The following ZNF219 variants were observed in gnomAD, a reference collection of about 807,000 sequenced individuals.
The protein encoded by ZNF219 is zinc finger protein 219.
ZNF219 carries 17 observed loss-of-function variants against 54.4 expected under a neutral mutation model. That is an observed-to-expected ratio of 0.31 (90% CI 0.21 to 0.47). The LOEUF is 0.47. Among genes scored for constraint, ZNF219 ranks in the 20% least tolerant of loss-of-function variants. The pLI, the probability that ZNF219 is intolerant of heterozygous loss-of-function variation, is 1.00. For missense variants in ZNF219, 1,014 were observed against 1,062.3 expected (o/e 0.95, Z 0.63); for synonymous variants, 518 against 476.4 (o/e 1.09, Z -1.14).
chr14:21,094,218 A>T (rs1452223548), intron 1 of ZNF219, among the ~76,000 whole-genome samples: 1 of 151,982 alleles, frequency 6.6e-6, no homozygotes, highest in Non-Finnish European at 1.5e-5. Flanking sequence ...ACAGAGACTC[A>T]TTCATGCATG....
intron 1 of ZNF219, among the ~76,000 whole-genome samples, chr14:21,094,726 T>TGGGGGGG (rs10687101): frequency 0.014 from 83 of 5,804 alleles, 1 homozygote; most frequent in Admixed American, 0.02. Context: ...GGATAGGGGT[T>TGGGGGGG]GGGGGGGGGG....
intron 3 of ZNF219, 61 bp downstream of exon 3, chr14:21,091,804 T>C: frequency 6.8e-7 from 1 of 1,473,870 alleles, no homozygotes; most frequent in South Asian, 1.4e-5. Context: ...TACGAGGGAG[T>C]GGCGGCGTAA....
rs758803894 is a variant in ZNF219, at chr14:21,092,283, G to A, written c.1014C>T (p.Ser338=). 11 of 1,506,148 alleles carry A rather than the reference G, an allele frequency of 7.3e-6. No individual in the cohort carries two copies. Among genetic ancestry groups the A allele is most frequent in the Admixed American group, 4.2e-5 (2 of 48,018 alleles). The allele number at this position is 1,506,148 out of a possible 1,614,324, so 93.3% of individuals were successfully genotyped here. Residue 338 remains serine, a synonymous_variant, in exon 3 of 5, where the codon TCC becomes TCT. Coordinates refer to ENST00000360947, the MANE Select transcript of ZNF219 (RefSeq NM_016423.3). ...GAGGCTGGGGGGCGCGGGCAGGCCC[G>A]GAGGCAGGCCCCGGGGCACGCAGTG... ...LGPLRAPGPA[S]GPARAPQPPD... is the part of the protein sequence containing the mutation.
rs1309299971 is a variant in ZNF219 at position 21,090,992 on chromosome 14, A to T, written c.1713T>A (p.Gly571=). 1 of 1,549,268 alleles carries T rather than the reference A, an allele frequency of 6.5e-7. No individual in the cohort carries two copies. Among genetic ancestry groups the T allele is most frequent in the South Asian group, 1.2e-5 (1 of 85,056 alleles). The stretch of plus-strand genomic sequence containing the variant: ...GCTTGGCTCCAGATTGCGGGGCCGA[A>T]CCCCGCTGGGAAGGAGGCGGTGGCT... ...PPEPPPPSQR[G]SAPQSGAKPS... The change falls in exon 5 of 5, where the codon GGT becomes GGA. Residue 571 remains glycine, a synonymous_variant. Transcript: ENST00000360947. This position sits in a 1 kb window ranked among gnomAD's most constrained non-coding sequence, Gnocchi z 4.4.
Position 21,098,443 on chromosome 14 carries a change from G to T in ZNF219, c.-215C>A. ...CCGGGCCCCGGCCCCCCCGCCCCCG[G>T]CCCGGCCCCCGCCCCCTCCCCGGTC... On this transcript the variant is annotated 5_prime_UTR_variant, in exon 1 of 5. Coordinates refer to ENST00000360947, the MANE Select transcript of ZNF219 (RefSeq NM_016423.3). 1.3e-6 allele frequency: 1 copy of T among 748,648 alleles called. No homozygotes were observed. The highest frequency in any genetic ancestry group is 1.6e-6 in the Non-Finnish European group (1 of 618,412). The allele number at this position is 748,648 out of a possible 1,614,324, so 46.4% of individuals were successfully genotyped here. A position where few individuals can be genotyped will look rare whatever the true frequency, so the allele number is the denominator to read the frequency against.
upstream of ZNF219, chr14:21,102,021 C>T (rs780603176): frequency 1.2e-5 from 19 of 1,550,506 alleles, no homozygotes; most frequent in African/African-American, 2.5e-4. Flanking sequence ...GGGCCCCTTC[C>T]TAACGGGACC....
intron 4 of ZNF219, 48 bp downstream of exon 4, chr14:21,091,363 T>A (rs766305248): frequency 6.4e-7 from 1 of 1,566,698 alleles, no homozygotes. Flanking sequence ...CCCTCACCTT[T>A]CTGCCCGCCC....
upstream of ZNF219, chr14:21,101,121 A>C (rs1007038216): frequency 1.1e-5 from 5 of 436,142 alleles, no homozygotes; most frequent in Non-Finnish European, 1.7e-5. Context: ...TGAGCTATCA[A>C]GCCCCTTAGG....
chr14:21,103,327 T>C, upstream of ZNF219: 3 of 1,500,832 alleles, frequency 2.0e-6, no homozygotes, highest in Non-Finnish European at 2.7e-6. Flanking sequence ...ATCCTTCGAG[T>C]CCAATAGGAA....
At chr14:21,099,148 G>A (rs1414550399), upstream of ZNF219, 1 of 206,630 alleles carries the variant, frequency 4.8e-6, no homozygotes, top group African/African-American at 2.3e-5. Context: ...TGAGGGATGA[G>A]AAAGAAGTGG....
chr14:21,090,980 T>C lies in ZNF219; in HGVS notation c.1725A>G (p.Gln575=). 1 of 1,549,946 alleles carries C rather than the reference T, an allele frequency of 6.5e-7. No individual in the cohort carries two copies. Among genetic ancestry groups the C allele is most frequent in the Non-Finnish European group, 8.7e-7 (1 of 1,154,504 alleles). ...PPPSQRGSAP[Q]SGAKPSPQPA... is the part of the protein sequence containing the mutation. ...GCTGCGGAGACGGCTTGGCTCCAGA[T>C]TGCGGGGCCGAACCCCGCTGGGAAG... The change falls in exon 5 of 5, where the codon CAA becomes CAG. Residue 575 remains glutamine, a synonymous_variant. Coordinates refer to ENST00000360947, the MANE Select transcript of ZNF219 (RefSeq NM_016423.3). The surrounding 1 kb of genome is among the most constrained non-coding windows in gnomAD (Gnocchi z 4.4).
At chr14:21,093,323 G>A (rs773273083) in intron 2 of ZNF219, 33 bp from the exon 3 acceptor site, 11 of 1,541,124 alleles carry the variant, frequency 7.1e-6, no homozygotes, top group African/African-American at 1.4e-5. Flanking sequence ...AGCAAAGGGT[G>A]AAGGTAGAGC....
intron 3 of ZNF219, 36 bp downstream of exon 3, chr14:21,091,805 GGCGGCGTAAGAGTCAGAGGAGGAC>G: frequency 1.4e-6 from 2 of 1,480,940 alleles, no homozygotes; most frequent in East Asian, 2.4e-5. Flanking sequence ...ACGAGGGAGT[GGCGGCGTAAGAGTCAGAGGAGGAC>G]GCGGCGTACC....
Position 21,098,416 on chromosome 14 carries a change from C to G in ZNF219, c.-188G>C, listed in dbSNP as rs1463115948. The G allele has an allele frequency of 1.7e-6, 1 of 573,460 alleles. No individual in the cohort carries two copies. The highest frequency in any genetic ancestry group is 2.2e-6 in the Non-Finnish European group (1 of 458,312). 35.5% of individuals were successfully genotyped at this position (573,460 alleles called of 1,614,324 possible). On this transcript the variant is annotated 5_prime_UTR_variant, in exon 1 of 5. Transcript: ENST00000360947. Reference sequence around the variant, plus strand: ...GCGTTACGTGGGGCCGGGGGAGATGCGCCGGGCCCCGGCCCCCCCGCCCCC... The same window carrying G: ...GCGTTACGTGGGGCCGGGGGAGATGGGCCGGGCCCCGGCCCCCCCGCCCCC...
Position 21,091,680 on chromosome 14 carries a change from T to C in ZNF219, c.1433-138A>G, listed in dbSNP as rs1252663246. The stretch of plus-strand genomic sequence containing the variant: ...ACAAAGTCTGAGGGGTTAGATTTGT[T>C]GTGACTAAAGAGTTAAGTGTTCTCA... On this transcript the variant is annotated intron_variant, in intron 3 of 4. Transcript: ENST00000360947. The C allele has an allele frequency of 1.8e-5, 26 of 1,468,124 alleles. No individual in the cohort carries two copies. The Admixed American group carries it at 5.2e-4, about 29-fold the overall frequency. The allele number at this position is 1,468,124 out of a possible 1,614,324, so 90.9% of individuals were successfully genotyped here.
intron 1 of ZNF219, among the ~76,000 whole-genome samples, chr14:21,097,748 C>T (rs1010389494): frequency 7.2e-5 from 11 of 152,172 alleles, no homozygotes; most frequent in Non-Finnish European, 1.5e-4. Flanking sequence ...CAGCCGCCTC[C>T]GCTGCTGCCG....
chr14:21,101,859 C>T, upstream of ZNF219: 1 of 1,551,060 alleles, frequency 6.4e-7, no homozygotes, highest in South Asian at 1.2e-5. Context: ...CTACCCTTAC[C>T]CCCAGGTGAG....
intron 1 of ZNF219, among the ~76,000 whole-genome samples, chr14:21,094,907 CTTTTTTTTT>C (rs59112788): frequency 1.6e-5 from 2 of 125,146 alleles, no homozygotes; most frequent in African/African-American, 3.0e-5. Context: ...TGGGTCTAAC[CTTTTTTTTT>C]TTTTTTTTTT....
intron 1 of ZNF219, chr14:21,097,529 G>C (rs1453222995): frequency 6.6e-6 from 1 of 152,336 alleles, no homozygotes; most frequent in South Asian, 2.1e-4. Flanking sequence ...GGGAGGTAGG[G>C]GCGATCAAGG....
Sources: gnomAD v4.1 joint callset for allele counts (sites outside exome capture counted in the v4.1 genomes callset) on GRCh38, gnomAD v4.1.1 for gene constraint, Gnocchi (gnomAD v3.1) non-coding constraint, MANE v1.5 for transcripts, NCBI Gene and HGNC (gene_info 2026-07-23, HGNC 2026-07-21) for gene names.